Variants in REPS2 observed in about 807,000 individuals in gnomAD.
REPS2 encodes ralBP1-associated Eps domain-containing protein 2.
REPS2 carries 23 observed loss-of-function variants against 53.6 expected under a neutral mutation model. The ratio of observed to expected loss-of-function variants is 0.43; its 90% CI spans 0.31 to 0.61. The LOEUF (loss-of-function observed/expected upper bound fraction) is 0.61. Among genes scored for constraint, REPS2 ranks in the 20% least tolerant of loss-of-function variants. The pLI is 0.11. For missense variants in REPS2, 446 were observed against 534.9 expected (o/e 0.83, Z 1.64); for synonymous variants, 238 against 218.6 (o/e 1.09, Z -0.78).
intron 1 of REPS2, among the ~76,000 whole-genome samples, chrX:16,955,098 C>T (rs1478405328): frequency 9.0e-6 from 1 of 111,226 alleles, no homozygotes; most frequent in Non-Finnish European, 1.9e-5. Flanking sequence ...CAGGTGTGAG[C>T]CACCGCGCCT....
rs746201406 is a variant in REPS2, at chrX:17,133,889, AAGT to A, written c.1648_1650del (p.Ser550del). ...GCAGAGCCCCATCCCAGGCTGCAGA[AAGT>A]AGTCCAGCAAAGAAGGTAAGGTCAG... On this transcript the variant is annotated inframe_deletion, in exon 15 of 18. Coordinates refer to ENST00000357277, the MANE Select transcript of REPS2 (RefSeq NM_004726.3). 3.8e-5 allele frequency: 46 copies of A among 1,208,650 alleles called. No homozygotes were observed. The East Asian group carries it at 5.3e-4, about 14-fold the overall frequency.
intron 14 of REPS2, among the ~76,000 whole-genome samples, chrX:17,117,948 C>CTTTTTTT (rs145872769): frequency 3.2e-5 from 1 of 31,007 alleles, no homozygotes; most frequent in African/African-American, 1.4e-4. Context: ...TGTTTCCTGA[C>CTTTTTTT]TTTTTTTTTT....
chrX:17,047,260 C>T lies in REPS2; in HGVS notation c.772-87C>T, dbSNP rs1432104852. 4 of 1,023,810 alleles carry T rather than the reference C, an allele frequency of 3.9e-6. No individual in the cohort carries two copies. In the African/African-American group the frequency reaches 5.7e-5, roughly 15 times the overall value. 84.4% of individuals were successfully genotyped at this position (1,023,810 alleles called of 1,213,427 possible). ...CTGAGGAAAAAAATTAAGCATAACA[C>T]ATGATAACTTTTATTGGTGTTTAAT... is the stretch of plus-strand genomic sequence containing the variant. On this transcript the variant is annotated intron_variant, in intron 5 of 17. Transcript: ENST00000357277.
chrX:17,025,242 T>C lies in REPS2; in HGVS notation c.673+57T>C, dbSNP rs1023018511. On this transcript the variant is annotated intron_variant, in intron 4 of 17. Transcript: ENST00000357277. ...GGCAGTGTCTTAGAGACTCCTTAAT[T>C]TACCAGGCGGTAACGCTTCAAGCTG... is the stretch of plus-strand genomic sequence containing the variant. The C allele has an allele frequency of 2.7e-6, 3 of 1,107,943 alleles. No individual in the cohort carries two copies. In the African/African-American group the frequency reaches 5.6e-5, roughly 21 times the overall value. 91.3% of individuals were successfully genotyped at this position (1,107,943 alleles called of 1,213,427 possible).
intron 4 of REPS2, among the ~76,000 whole-genome samples, chrX:17,028,416 T>G (rs781687134): frequency 8.9e-6 from 1 of 112,679 alleles, no homozygotes; most frequent in South Asian, 3.7e-4. Flanking sequence ...TTTTAAAATT[T>G]GGATTATGTG....
At chrX:17,017,292 A>G (rs1431645446) in intron 2 of REPS2, among the ~76,000 whole-genome samples, 2 of 112,115 alleles carry the variant, frequency 1.8e-5, no homozygotes, top group Non-Finnish European at 3.8e-5. Flanking sequence ...TTAAAAGTGG[A>G]TTGCTCCATA....
At chrX:17,125,201 A>T (rs1186641712) in intron 14 of REPS2, among the ~76,000 whole-genome samples, 1 of 110,580 alleles carries the variant, frequency 9.0e-6, no homozygotes, top group African/African-American at 3.3e-5. Flanking sequence ...TGCAAATTTG[A>T]CTTTTAAACA....
chrX:17,100,403 G>A (rs748933704), intron 13 of REPS2, among the ~76,000 whole-genome samples: 30 of 112,527 alleles, frequency 2.7e-4, no homozygotes, highest in Non-Finnish European at 3.9e-4. Flanking sequence ...GCATTGGGTC[G>A]GCCAGGGCAG....
chrX:17,131,317 T>C (rs2063288747), intron 14 of REPS2, among the ~76,000 whole-genome samples: 2 of 111,333 alleles, frequency 1.8e-5, no homozygotes, highest in Non-Finnish European at 3.8e-5. Context: ...AAAGGTGCTA[T>C]ACTGGGCAGA....
chrX:17,130,629 G>T (rs2063279563), intron 14 of REPS2, among the ~76,000 whole-genome samples: 1 of 111,861 alleles, frequency 8.9e-6, no homozygotes, highest in African/African-American at 3.3e-5. Flanking sequence ...TCTTAAGCAG[G>T]ATCTGTATCT....
chrX:16,998,455 G>T (rs1311716172), intron 1 of REPS2, among the ~76,000 whole-genome samples: 1 of 111,993 alleles, frequency 8.9e-6, no homozygotes, highest in Non-Finnish European at 1.9e-5. Context: ...TAGAAGAAAT[G>T]ATACCTACTA....
intron 1 of REPS2, among the ~76,000 whole-genome samples, chrX:16,984,204 G>C (rs1313274102): frequency 8.9e-6 from 1 of 112,187 alleles, no homozygotes. Flanking sequence ...CTGAAGACCT[G>C]ATTGGAGCAG....
intron 2 of REPS2, among the ~76,000 whole-genome samples, chrX:17,008,596 T>C (rs1461149935): frequency 8.9e-6 from 1 of 112,383 alleles, no homozygotes; most frequent in Non-Finnish European, 1.9e-5. Context: ...CATTTAAAGA[T>C]TGATTAAATA....
chrX:16,974,879 C>T (rs768116285), intron 1 of REPS2, among the ~76,000 whole-genome samples: 1 of 110,017 alleles, frequency 9.1e-6, no homozygotes, highest in Admixed American at 9.7e-5. Context: ...CCTCCATCCT[C>T]CAATAGGCCT....
At chrX:16,948,162 G>A in intron 1 of REPS2, among the ~76,000 whole-genome samples, 1 of 112,093 alleles carries the variant, frequency 8.9e-6, no homozygotes, top group East Asian at 2.8e-4. Flanking sequence ...AGAACTGAGG[G>A]TTTTATGGTT....
intron 4 of REPS2, among the ~76,000 whole-genome samples, chrX:17,026,259 AG>A (rs1322471563): frequency 9.0e-6 from 1 of 111,574 alleles, no homozygotes; most frequent in East Asian, 2.8e-4. Flanking sequence ...AGATTAAGTG[AG>A]AATGTGAGTA....
At chrX:16,970,389 G>A (rs747886608) in intron 1 of REPS2, among the ~76,000 whole-genome samples, 2 of 110,669 alleles carry the variant, frequency 1.8e-5, no homozygotes, top group East Asian at 5.7e-4. Flanking sequence ...GTAGAGATGG[G>A]GTTTCACCAT....
rs1365407210 is a variant in REPS2, at chrX:16,946,738, TGGCGGCGGCGGTGGTGGCGGCGGC to T, written c.-112_-89del. ...CAGCTGCGGGGCGTGGGGGTGGTGGTGGCGGCGGCGGTGGTGGCGGCGGCGGCGGCGGCGGCAGCTGAGGCCGAG... is the reference window on the plus strand; with the variant it reads ...CAGCTGCGGGGCGTGGGGGTGGTGGTGGCGGCGGCGGCAGCTGAGGCCGAG... On this transcript the variant is annotated 5_prime_UTR_variant, in exon 1 of 18. Coordinates refer to ENST00000357277, the MANE Select transcript of REPS2 (RefSeq NM_004726.3). 2.9e-4 allele frequency: 200 copies of T among 690,084 alleles called. No homozygotes were observed. In the African/African-American group the frequency reaches 4.9e-3, roughly 17 times the overall value. The allele number at this position is 690,084 out of a possible 1,213,427, so 56.9% of individuals were successfully genotyped here.
chrX:17,077,543 G>T (rs1236630629), intron 13 of REPS2, 136 bp downstream of exon 13: 7 of 596,087 alleles, frequency 1.2e-5, no homozygotes, highest in Non-Finnish European at 1.7e-5. Context: ...TCTTCACGTG[G>T]CTATGGTATT....
Sources: gnomAD v4.1 joint callset for allele counts (sites outside exome capture counted in the v4.1 genomes callset) on GRCh38, gnomAD v4.1.1 for gene constraint, MANE v1.5 for transcripts, NCBI Gene and HGNC (gene_info 2026-07-23, HGNC 2026-07-21) for gene names.